The following ARHGAP26 variants were observed in gnomAD, a reference collection of about 807,000 sequenced individuals.
ARHGAP26 encodes Rho GTPase activating protein 26.
In ARHGAP26, 38 loss-of-function variants were observed where a neutral mutation model predicts 104.8. The ratio of observed to expected loss-of-function variants is 0.36; its 90% CI spans 0.28 to 0.48. The LOEUF is 0.48. ARHGAP26 is among the 20% of genes least tolerant of loss of function. The probability of loss-of-function intolerance (pLI) is 0.99; values close to 1 mark genes in which losing one functional copy is unlikely to be tolerated. For missense variants in ARHGAP26, 704 were observed against 947.9 expected, an observed-to-expected ratio of 0.74 and a Z score of 3.38; for synonymous variants, 341 against 340.0, an observed-to-expected ratio of 1.00 and a Z score of -0.03.
intron 12 of ARHGAP26, among the ~76,000 whole-genome samples, chr5:143,023,257 A>T (rs1780590362): frequency 6.6e-6 from 1 of 152,230 alleles, no homozygotes; most frequent in Non-Finnish European, 1.5e-5. Context: ...TGAGGACAAG[A>T]TTGAGGACCA....
intron 1 of ARHGAP26, among the ~76,000 whole-genome samples, chr5:142,829,993 C>T (rs925629818): frequency 3.3e-5 from 5 of 152,150 alleles, no homozygotes; most frequent in Middle Eastern, 3.2e-3. Flanking sequence ...TGGATGTTTT[C>T]GACCTGATGA....
At chr5:143,022,272 C>T (rs1024526085) in intron 12 of ARHGAP26, among the ~76,000 whole-genome samples, 5 of 151,994 alleles carry the variant, frequency 3.3e-5, no homozygotes, top group South Asian at 2.1e-4. Flanking sequence ...GGGGTTTCAC[C>T]ATGTTGGCCA....
In ARHGAP26 at chr5:143,217,528, G is replaced by A. The variant is rs552240498; in HGVS notation, c.2191+3440G>A. On this transcript the variant is annotated intron_variant, in intron 22 of 22. Transcript: ENST00000645722. ...GCAGTCACTAAAATTGGGTTCTAGG[G>A]ATACTTTTAATAAGATTTGAGAGGA... Among the ~76,000 whole-genome samples, 5 of 152,180 alleles carry A rather than the reference G, an allele frequency of 3.3e-5. No homozygotes were observed. In the South Asian group the frequency reaches 1.0e-3, roughly 32 times the overall value.
chr5:143,135,707 A>G (rs1294186288), intron 19 of ARHGAP26, among the ~76,000 whole-genome samples: 2 of 152,242 alleles, frequency 1.3e-5, no homozygotes, highest in South Asian at 2.1e-4. Flanking sequence ...TAAAGCTACT[A>G]TTAACATCCT....
intron 1 of ARHGAP26, among the ~76,000 whole-genome samples, chr5:142,799,958 T>C (rs1016377555): frequency 2.6e-5 from 4 of 152,206 alleles, no homozygotes; most frequent in African/African-American, 9.6e-5. Flanking sequence ...CAGCTGCTTA[T>C]TCACATGCTT....
At chr5:143,001,341 A>G (rs1183785279) in intron 11 of ARHGAP26, among the ~76,000 whole-genome samples, 2 of 152,266 alleles carry the variant, frequency 1.3e-5, no homozygotes, top group Non-Finnish European at 2.9e-5. Context: ...ACATTTAAAA[A>G]TGGACAAATA....
intron 20 of ARHGAP26, among the ~76,000 whole-genome samples, chr5:143,200,913 G>A (rs1807620601): frequency 6.6e-6 from 1 of 152,222 alleles, no homozygotes; most frequent in South Asian, 2.1e-4. Context: ...GGCATGCCCT[G>A]GCTGGTCCAG....
intron 17 of ARHGAP26, among the ~76,000 whole-genome samples, chr5:143,115,343 A>G (rs946225801): frequency 1.1e-5 from 1 of 87,920 alleles, no homozygotes; most frequent in Non-Finnish European, 3.0e-5. Context: ...CAAAAACAAC[A>G]ACAACAACAA....
intron 10 of ARHGAP26, among the ~76,000 whole-genome samples, chr5:142,917,962 T>C (rs1762713427): frequency 6.6e-6 from 1 of 152,166 alleles, no homozygotes; most frequent in Non-Finnish European, 1.5e-5. Flanking sequence ...AATACATTGC[T>C]GTCAGTTTGT....
chr5:143,103,252 A>T (rs1793514364), intron 17 of ARHGAP26: 1 of 984,956 alleles, frequency 1.0e-6, no homozygotes, highest in South Asian at 4.7e-5. Context: ...GTTCAATATC[A>T]TTACTCTTCA....
At chr5:142,885,212 G>A in intron 4 of ARHGAP26, 86 bp from the exon 5 acceptor site, 1 of 1,115,988 alleles carries the variant, frequency 9.0e-7, no homozygotes, top group Admixed American at 1.9e-5. Flanking sequence ...TCTGTGTTCT[G>A]AGCAGAAGGA....
At chr5:142,981,727 CCTCTT>C (rs1773964911) in intron 11 of ARHGAP26, among the ~76,000 whole-genome samples, 1 of 152,160 alleles carries the variant, frequency 6.6e-6, no homozygotes, top group Admixed American at 6.5e-5. Flanking sequence ...TTCCTGTCTC[CCTCTT>C]CACTTCTCCA....
intron 11 of ARHGAP26, among the ~76,000 whole-genome samples, chr5:142,965,636 A>T (rs775407493): frequency 7.3e-4 from 111 of 152,240 alleles, no homozygotes; most frequent in Non-Finnish European, 1.3e-3. Context: ...ATTGCTACAA[A>T]CTAATGATTA....
chr5:142,912,462 A>G (rs1761957606), intron 9 of ARHGAP26, among the ~76,000 whole-genome samples: 2 of 152,284 alleles, frequency 1.3e-5, no homozygotes, highest in African/African-American at 4.8e-5. Context: ...GGGATGATGG[A>G]ATTGTTTGCT....
chr5:143,118,448 T>C (rs12513586), intron 17 of ARHGAP26, among the ~76,000 whole-genome samples: 1 of 152,026 alleles, frequency 6.6e-6, no homozygotes. Flanking sequence ...AGGTATGCTG[T>C]TTTATAAGAG....
Position 143,228,591 on chromosome 5 carries a change from G to C in ARHGAP26, c.*6145G>C, listed in dbSNP as rs1397057900. The stretch of plus-strand genomic sequence containing the variant: ...GACATTTTGTCCACATTTTGGAAAA[G>C]AAAATATTTGCATGTTTAATTCATA... On this transcript the variant is annotated 3_prime_UTR_variant, in exon 23 of 23. Transcript: ENST00000645722. 2 of 215,962 alleles carry C rather than the reference G, an allele frequency of 9.3e-6. No homozygotes were observed. The highest frequency in any genetic ancestry group is 1.9e-5 in the Non-Finnish European group (2 of 106,994). 13.4% of individuals were successfully genotyped at this position (215,962 alleles called of 1,614,324 possible).
chr5:143,193,317 G>A (rs1394876720), intron 20 of ARHGAP26, among the ~76,000 whole-genome samples: 8 of 138,588 alleles, frequency 5.8e-5, no homozygotes, highest in Middle Eastern at 4.1e-3. Flanking sequence ...GCACGATCTC[G>A]GCTCACTGCA....
In ARHGAP26 at chr5:143,167,354, C is replaced by T. The variant is rs546989129; in HGVS notation, c.1988+19973C>T. Among the ~76,000 whole-genome samples the T allele has an allele frequency of 8.0e-4, 118 of 147,536 alleles. 2 individuals are homozygous for T. Among genetic ancestry groups the T allele is most frequent in the South Asian group, 1.5e-3 (7 of 4,604 alleles). On this transcript the variant is annotated intron_variant, in intron 20 of 22. Coordinates refer to ENST00000645722, the MANE Select transcript of ARHGAP26 (RefSeq NM_001135608.3). ...AAAATTAGCTGGGCCTGATGGCATG[C>T]GCCTGTAATCCCAGCTACTCGGGAG...
intron 1 of ARHGAP26, among the ~76,000 whole-genome samples, chr5:142,834,995 C>T (rs1159736627): frequency 6.6e-6 from 1 of 152,214 alleles, no homozygotes; most frequent in Non-Finnish European, 1.5e-5. Context: ...CCACCTGGTT[C>T]ACGTGTGAAC....
Sources: allele counts gnomAD v4.1 joint callset (sites outside exome capture counted in the v4.1 genomes callset), GRCh38; gene constraint gnomAD v4.1.1; transcripts MANE v1.5; gene names NCBI Gene and HGNC (gene_info 2026-07-23, HGNC 2026-07-21).